TPD52L1: variants seen among roughly 807,000 people sequenced by gnomAD.
TPD52L1 encodes TPD52 like 1, also known as tumor protein D53.
Under a neutral mutation model 28.7 loss-of-function variants are expected in TPD52L1, and 18 were observed. The observed-to-expected ratio is 0.63, with a 90% CI of 0.43 to 0.93. TPD52L1 has a LOEUF of 0.93. Ranked by LOEUF, TPD52L1 falls within the 40% of genes least tolerant of loss-of-function variation. The probability of loss-of-function intolerance (pLI) is 0.00; values close to 1 mark genes in which losing one functional copy is unlikely to be tolerated. For missense variants in TPD52L1, 203 were observed against 254.8 expected, an observed-to-expected ratio of 0.80 and a Z score of 1.39; for synonymous variants, 75 against 88.8, an observed-to-expected ratio of 0.84 and a Z score of 0.88.
chr6:125,170,988 G>A (rs1443406493), intron 1 of TPD52L1, among the ~76,000 whole-genome samples: 1 of 152,188 alleles, frequency 6.6e-6, no homozygotes, highest in Non-Finnish European at 1.5e-5. Context: ...GCCAGAATGT[G>A]TATTCCTCAT....
chr6:125,241,221 A>C (rs1305035192), intron 3 of TPD52L1, among the ~76,000 whole-genome samples: 1 of 152,050 alleles, frequency 6.6e-6, no homozygotes, highest in Non-Finnish European at 1.5e-5. Context: ...TGTTGGATTC[A>C]GTTAGCTAGT....
At chr6:125,211,295 C>CTATT (rs1343797306) in intron 1 of TPD52L1, among the ~76,000 whole-genome samples, 13 of 150,172 alleles carry the variant, frequency 8.7e-5, no homozygotes, top group African/African-American at 1.5e-4. Context: ...ATCTATCTAT[C>CTATT]TATCTATCTA....
chr6:125,216,529 G>GTATGTA (rs1794899446), intron 1 of TPD52L1, among the ~76,000 whole-genome samples: 2 of 69,066 alleles, frequency 2.9e-5, no homozygotes, highest in African/African-American at 1.7e-4. Flanking sequence ...GTATGTGTGT[G>GTATGTA]TATATATATA....
At position 125,172,595 on chromosome 6, in the gene TPD52L1, T is replaced by TTA. The variant is rs1178018672; in HGVS notation, c.19+18634_19+18635dup. 2.7e-4 allele frequency among the ~76,000 whole-genome samples: 27 copies of TTA among 99,290 alleles called. 1 individual carries two copies. The highest frequency in any genetic ancestry group is 6.5e-4 in the South Asian group (2 of 3,060). The allele number at this position is 99,290 out of a possible 152,430, so 65.1% of individuals were successfully genotyped here. On this transcript the variant is annotated intron_variant, in intron 1 of 6. Coordinates refer to ENST00000534000, the MANE Select transcript of TPD52L1 (RefSeq NM_003287.4). ...CATGAAATTAGGTATATATATACAA[T>TTA]TATATATATAAATATATATAATTAT... is the stretch of plus-strand genomic sequence containing the variant.
intron 3 of TPD52L1, among the ~76,000 whole-genome samples, chr6:125,244,414 G>A (rs1229653484): frequency 6.6e-6 from 1 of 152,162 alleles, no homozygotes; most frequent in African/African-American, 2.4e-5. Flanking sequence ...GATGTGCTGA[G>A]GTTTCATCAA....
At chr6:125,255,467 C>T (rs3823217) in intron 5 of TPD52L1, among the ~76,000 whole-genome samples, 62,550 of 152,008 alleles carry the variant, frequency 0.41, 13,224 homozygotes, top group East Asian at 0.6. Context: ...GAATTTGACT[C>T]GTGTTTGAGT....
At chr6:125,228,316 A>C (rs529578237) in intron 2 of TPD52L1, among the ~76,000 whole-genome samples, 2 of 152,344 alleles carry the variant, frequency 1.3e-5, no homozygotes, top group Admixed American at 6.5e-5. Flanking sequence ...GGGTAGATAC[A>C]TATGTTAAAA....
chr6:125,233,709 G>A (rs367788476), intron 3 of TPD52L1, among the ~76,000 whole-genome samples: 8 of 152,184 alleles, frequency 5.3e-5, no homozygotes, highest in South Asian at 4.2e-4. Flanking sequence ...AAATATATTC[G>A]TGCTGTAAAA....
At chr6:125,161,208 T>A (rs1264250309) in intron 1 of TPD52L1, among the ~76,000 whole-genome samples, 1 of 152,174 alleles carries the variant, frequency 6.6e-6, no homozygotes, top group Non-Finnish European at 1.5e-5. Flanking sequence ...CTTCCAACTT[T>A]TGTTGCACAG....
chr6:125,155,492 T>C (rs1158847066), intron 1 of TPD52L1, among the ~76,000 whole-genome samples: 1 of 152,238 alleles, frequency 6.6e-6, no homozygotes, highest in Non-Finnish European at 1.5e-5. Context: ...CTGGTTTGCT[T>C]TATTGCTTTG....
rs141940686 is a variant in TPD52L1, at chr6:125,215,549, T to C, written c.20-4529T>C. Among the ~76,000 whole-genome samples the C allele has an allele frequency of 2.6e-5, 4 of 152,304 alleles. No individual in the cohort carries two copies. In the East Asian group the frequency reaches 5.8e-4, roughly 22 times the overall value. ...CTAGACTAACTAGCAACCTGGTCTC[T>C]GGGCAGATTTCTTGAATGGGTGGTT... On this transcript the variant is annotated intron_variant, in intron 1 of 6. Transcript: ENST00000534000.
Position 125,248,366 on chromosome 6 carries a change from G to A in TPD52L1, c.369G>A (p.Lys123=), listed in dbSNP as rs765932775. The A allele has an allele frequency of 6.2e-7, 1 of 1,614,126 alleles. No individual in the cohort carries two copies. The highest frequency in any genetic ancestry group is 1.1e-5 in the South Asian group (1 of 91,068). The change falls in exon 4 of 7, where the codon AAG becomes AAA. Residue 123 remains lysine (K), a synonymous_variant. Coordinates refer to ENST00000534000, the MANE Select transcript of TPD52L1 (RefSeq NM_003287.4). The part of the protein sequence containing the change: ...AFSNVGTAIS[K]KFGDMSYSIR... ...GCAACGTTGGAACGGCCATCAGCAAGAAGTTCGGAGACATGAGGTACTGTG... is the reference window on the plus strand; with the variant it reads ...GCAACGTTGGAACGGCCATCAGCAAAAAGTTCGGAGACATGAGGTACTGTG...
In TPD52L1 at chr6:125,231,414, C is replaced by T. The variant is rs1217378082; in HGVS notation, c.284+2148C>T. Among the ~76,000 whole-genome samples the T allele has an allele frequency of 2.6e-5, 4 of 152,164 alleles. No homozygotes were observed. In the East Asian group the frequency reaches 7.7e-4, roughly 29 times the overall value. ...CTCCTGGGACTGGAAATAGAGCTGG[C>T]AAGTTCAAGGAAGGCTTCTAGCCTC... On this transcript the variant is annotated intron_variant, in intron 3 of 6. Coordinates refer to ENST00000534000, the MANE Select transcript of TPD52L1 (RefSeq NM_003287.4).
At chr6:125,186,095 T>C (rs1792604268) in intron 1 of TPD52L1, among the ~76,000 whole-genome samples, 1 of 152,026 alleles carries the variant, frequency 6.6e-6, no homozygotes, top group Non-Finnish European at 1.5e-5. Context: ...TGTTTCACCA[T>C]GTCGATCAGG....
Position 125,229,253 on chromosome 6 carries a change from C to T in TPD52L1, c.271C>T (p.Gln91Ter). Residue 91 changes from glutamine (Q) to a stop codon, truncating the protein, a stop_gained, in exon 3 of 7, where the codon CAG becomes TAG. Transcript: ENST00000534000. LOFTEE classifies it high-confidence loss of function. The stretch of plus-strand genomic sequence containing the variant: ...CTTCAGCAAAAGCTGGCATGACATG[C>T]AGACTACCACTGCGTAAGTATCATA... Reference protein sequence around the residue: ...QNFSKSWHDMQTTTAYKKTHE... With the variant: ...QNFSKSWHDM 6.2e-7 allele frequency: 1 copy of T among 1,612,786 alleles called. No individual in the cohort carries two copies. Among genetic ancestry groups the T allele is most frequent in the African/African-American group, 1.3e-5 (1 of 74,926 alleles).
chr6:125,192,832 T>G (rs1167639229), intron 1 of TPD52L1, among the ~76,000 whole-genome samples: 1 of 152,200 alleles, frequency 6.6e-6, no homozygotes, highest in East Asian at 1.9e-4. Context: ...ACCTTGTTGA[T>G]AAAGCCCAGT....
chr6:125,160,577 A>G (rs1429028388), intron 1 of TPD52L1, among the ~76,000 whole-genome samples: 1 of 152,176 alleles, frequency 6.6e-6, no homozygotes, highest in Non-Finnish European at 1.5e-5. Context: ...GTAAGTGAGC[A>G]TGTAACTTAA....
chr6:125,246,055 C>T (rs578184584), intron 3 of TPD52L1, among the ~76,000 whole-genome samples: 9 of 152,318 alleles, frequency 5.9e-5, no homozygotes, highest in African/African-American at 1.7e-4. Flanking sequence ...TTCCTGGAGG[C>T]GCTCTGTGAG....
At chr6:125,154,034 C>A in intron 1 of TPD52L1, 64 bp downstream of exon 1, 1 of 1,557,306 alleles carries the variant, frequency 6.4e-7, no homozygotes, top group Non-Finnish European at 8.7e-7. Flanking sequence ...TCTTTTCCTG[C>A]ACCACCTAAC....
Sources: gnomAD v4.1 joint callset for allele counts (sites outside exome capture counted in the v4.1 genomes callset) on GRCh38, gnomAD v4.1.1 for gene constraint, MANE v1.5 for transcripts, NCBI Gene and HGNC (gene_info 2026-07-23, HGNC 2026-07-21) for gene names.